Variants in COL6A3 observed in about 807,000 individuals in gnomAD.
The protein encoded by COL6A3 is collagen type VI alpha 3 chain.
COL6A3 carries 137 observed loss-of-function variants against 274.1 expected under a neutral mutation model. The observed-to-expected ratio is 0.50, with a 90% CI of 0.44 to 0.58. The LOEUF (loss-of-function observed/expected upper bound fraction) is 0.58, where lower values mean the gene tolerates loss of function less well. Ranked by LOEUF, COL6A3 falls within the 20% of genes least tolerant of loss-of-function variation. The probability of loss-of-function intolerance (pLI) is 0.00; values close to 1 mark genes in which losing one functional copy is unlikely to be tolerated. For missense variants in COL6A3, 3,950 were observed against 4,124.9 expected (o/e 0.96, Z 1.16); for synonymous variants, 1,650 against 1,650.6 (o/e 1.00, Z 0.01).
At chr2:237,345,127 A>G (rs893260747) in intron 33 of COL6A3, 33 bp from the exon 34 acceptor site, 2 of 1,614,144 alleles carry the variant, frequency 1.2e-6, no homozygotes, top group Non-Finnish European at 1.7e-6. Flanking sequence ...ATGTAAAGAG[A>G]GCAAATCAAA....
Position 237,357,366 on chromosome 2 carries a change from G to T in COL6A3, c.6563C>A (p.Pro2188His). ...CTTCCCAGTTTCTCCAGGTCCTCCAGGTACTCCATCTCTCCCTGGGACACC... is the reference window on the plus strand; with the variant it reads ...CTTCCCAGTTTCTCCAGGTCCTCCATGTACTCCATCTCTCCCTGGGACACC... ...PMGVPGRDGVPGGPGETGKNG... is the reference protein window; with the variant it reads ...PMGVPGRDGVHGGPGETGKNG... Residue 2188 changes from proline (P) to histidine (H), a missense_variant, in exon 23 of 44, where the codon CCT (proline) becomes CAT (histidine). Physicochemically the swap from Pro to His is moderately conservative, Grantham distance 77. Around this residue, in one of 5 missense-constraint regions of COL6A3, gnomAD observed 1,284 missense variants for 1,349.7 expected, o/e 0.95. Transcript: ENST00000295550. 1 of 1,614,038 alleles carries T rather than the reference G, an allele frequency of 6.2e-7. No homozygotes were observed. The highest frequency in any genetic ancestry group is 8.5e-7 in the Non-Finnish European group (1 of 1,179,888).
chr2:237,406,907 CTTT>C (rs1006109385), intron 1 of COL6A3, among the ~76,000 whole-genome samples: 3 of 123,500 alleles, frequency 2.4e-5, no homozygotes, highest in Non-Finnish European at 5.0e-5. Context: ...TCTTTTTTCC[CTTT>C]TTTTTTTTTT....
intron 25 of COL6A3, among the ~76,000 whole-genome samples, chr2:237,352,879 C>A (rs2077236448): frequency 2.0e-5 from 3 of 152,344 alleles, no homozygotes; most frequent in Middle Eastern, 3.4e-3. Flanking sequence ...CAACCTAAAT[C>A]TCCATCAACC....
chr2:237,340,745 T>G lies in COL6A3; in HGVS notation c.8171A>C (p.Glu2724Ala), dbSNP rs1220625035. The G allele has an allele frequency of 1.2e-6, 2 of 1,613,980 alleles. No homozygotes were observed. The highest frequency in any genetic ancestry group is 1.7e-6 in the Non-Finnish European group (2 of 1,180,036). ...ALGSAIEYTI[E>A]NVFESAPNPR... is the part of the protein sequence containing the mutation. ...GTTTGGGGCACTTTCAAAGACATTC[T>G]CTATGGTGTATTCAATGGCACTGCC... The change falls in exon 38 of 44, where the codon GAG becomes GCG. Residue 2724 changes from glutamate (E) to alanine (A), a missense_variant. Glu to Ala is a moderately radical substitution (Grantham distance 107). Transcript: ENST00000295550.
Position 237,364,271 on chromosome 2 carries a change from A to G in COL6A3, c.5917+79T>C. ...CTCCCTTGGGGCGCTGCATTAGCAGAGAGGTTTCTCTCCAGCAGAGCAGTA... is the reference window on the plus strand; with the variant it reads ...CTCCCTTGGGGCGCTGCATTAGCAGGGAGGTTTCTCTCCAGCAGAGCAGTA... On this transcript the variant is annotated intron_variant, in intron 13 of 43. Transcript: ENST00000295550. The surrounding 1 kb of genome is among the most constrained non-coding windows in gnomAD (Gnocchi z 4.6). The G allele has an allele frequency of 8.9e-7, 1 of 1,128,932 alleles. No homozygotes were observed. Among genetic ancestry groups the G allele is most frequent in the Middle Eastern group, 2.1e-4 (1 of 4,774 alleles). 69.9% of individuals were successfully genotyped at this position (1,128,932 alleles called of 1,614,324 possible). A position where few individuals can be genotyped will look rare whatever the true frequency, so the allele number is the denominator to read the frequency against.
Position 237,374,621 on chromosome 2 carries a change from CT to C in COL6A3, c.3469del (p.Arg1157GlyfsTer49). On this transcript the variant is annotated frameshift_variant, in exon 8 of 44. Transcript: ENST00000295550. LOFTEE classifies it high-confidence loss of function. The surrounding 1 kb of genome is among the most constrained non-coding windows in gnomAD (Gnocchi z 4.8). Reference sequence around the variant, plus strand: ...AATGCCAATGGGCACAGCCCCACCCCTCTTCACGACCACGGAGGGGTTCCGC... The same window carrying C: ...AATGCCAATGGGCACAGCCCCACCCCCTTCACGACCACGGAGGGGTTCCGC... ...DVRNPSVVVK[R>X]GGAVPIGIGI... 1 of 1,614,172 alleles carries C rather than the reference CT, an allele frequency of 6.2e-7. No homozygotes were observed. Among genetic ancestry groups the C allele is most frequent in the South Asian group, 1.1e-5 (1 of 91,084 alleles).
chr2:237,394,675 A>T lies in COL6A3; in HGVS notation c.621T>A (p.His207Gln). The T allele has an allele frequency of 6.2e-7, 1 of 1,614,244 alleles. No individual in the cohort carries two copies. Among genetic ancestry groups the T allele is most frequent in the Non-Finnish European group, 8.5e-7 (1 of 1,180,040 alleles). Residue 207 changes from histidine to glutamine, a missense_variant, in exon 3 of 44, where the codon CAT becomes CAA. By Grantham distance (24) the His-to-Gln change is conservative. Around this residue, in one of 5 missense-constraint regions of COL6A3, gnomAD observed 1,934 missense variants for 1,984.3 expected, o/e 0.97. Coordinates refer to ENST00000295550, the MANE Select transcript of COL6A3 (RefSeq NM_004369.4). ...MFNLENFTSL[H>Q]DIVGNLVSCV... Reference sequence around the variant, plus strand: ...AGGACACTAAGTTTCCTACTATGTCATGAAGTGAGGTAAAATTCTCTAGGT... The same window carrying T: ...AGGACACTAAGTTTCCTACTATGTCTTGAAGTGAGGTAAAATTCTCTAGGT...
At position 237,371,630 on chromosome 2, in the gene COL6A3, C is replaced by T. The variant is rs910910898; in HGVS notation, c.4285+102G>A. On this transcript the variant is annotated intron_variant, in intron 9 of 43. Transcript: ENST00000295550. The surrounding 1 kb of genome is among the most constrained non-coding windows in gnomAD (Gnocchi z 4.3). ...AAACCATAAAGGTAAGGGCATACAACCTTTATTTTAATTTAATTTATTATG... is the reference window on the plus strand; with the variant it reads ...AAACCATAAAGGTAAGGGCATACAATCTTTATTTTAATTTAATTTATTATG... The T allele has an allele frequency of 2.0e-6, 3 of 1,510,004 alleles. No homozygotes were observed. Among genetic ancestry groups the T allele is most frequent in the African/African-American group, 1.4e-5 (1 of 71,552 alleles). 93.5% of individuals were successfully genotyped at this position (1,510,004 alleles called of 1,614,324 possible). A position where few individuals can be genotyped will look rare whatever the true frequency, so the allele number is the denominator to read the frequency against.
intron 20 of COL6A3, 57 bp from the exon 21 acceptor site, chr2:237,358,640 C>T: frequency 7.0e-7 from 1 of 1,424,028 alleles, no homozygotes. Flanking sequence ...TTTATCTCAC[C>T]CTAAAAATCA....
chr2:237,363,392 C>T lies in COL6A3; in HGVS notation c.5924G>A (p.Arg1975His), dbSNP rs375287084. The change falls in exon 14 of 44, where the codon CGT (arginine) becomes CAT (histidine). Residue 1975 changes from arginine (R) to histidine (H), a missense_variant. Transcript: ENST00000295550. ...TTCAAGGCCCACCAGGATCAAGGCA[C>T]GGACTCCTGCAAAGAAAGACACATT... ...ASENLRQEGV[R>H]ALILVGLERV... is the part of the protein sequence containing the mutation. The T allele has an allele frequency of 4.8e-5, 77 of 1,614,144 alleles. 1 individual carries two copies. In the South Asian group the frequency reaches 5.9e-4, roughly 12 times the overall value.
At chr2:237,408,007 A>G (rs1310545923) in intron 1 of COL6A3, among the ~76,000 whole-genome samples, 1 of 152,226 alleles carries the variant, frequency 6.6e-6, no homozygotes, top group African/African-American at 2.4e-5. Flanking sequence ...CTAAGGTGCT[A>G]CTGACCTTTC....
At position 237,334,892 on chromosome 2, in the gene COL6A3, G is replaced by T. The variant is rs190667494; in HGVS notation, c.8966-3C>A. On this transcript the variant is annotated splice_region_variant and splice_polypyrimidine_tract_variant and intron_variant, in intron 40 of 43. Coordinates refer to ENST00000295550, the MANE Select transcript of COL6A3 (RefSeq NM_004369.4). The stretch of plus-strand genomic sequence containing the variant: ...CTGGACTTCACGGGACATCTTAACT[G>T]AAAGATAGATCAGAGCGTGAAGATA... 61 of 1,614,060 alleles carry T rather than the reference G, an allele frequency of 3.8e-5. No individual in the cohort carries two copies. The African/African-American group carries it at 7.1e-4, about 19-fold the overall frequency.
At chr2:237,389,945 A>C (rs2078245398) in intron 3 of COL6A3, among the ~76,000 whole-genome samples, 1 of 152,180 alleles carries the variant, frequency 6.6e-6, no homozygotes, top group African/African-American at 2.4e-5. Context: ...TTCCTGAAGG[A>C]TCTTCAAGAG....
intron 23 of COL6A3, 22 bp downstream of exon 23, chr2:237,357,316 C>G (rs754831032): frequency 1.2e-6 from 2 of 1,612,104 alleles, no homozygotes; most frequent in East Asian, 2.2e-5. Flanking sequence ...ACAGAGCCCC[C>G]CAAAGCCCTA....
At chr2:237,363,054 C>T (rs1011444672) in intron 14 of COL6A3, among the ~76,000 whole-genome samples, 199 bp downstream of exon 14, 3 of 152,072 alleles carry the variant, frequency 2.0e-5, no homozygotes, top group African/African-American at 7.2e-5. Context: ...GGATTTCCAG[C>T]GATTTGCTAT....
At chr2:237,326,244 A>AGTGT (rs58879455) in intron 42 of COL6A3, 11,477 of 151,620 alleles carry the variant, frequency 0.076, 485 homozygotes, top group East Asian at 0.12. Context: ...ATCCTTTATG[A>AGTGT]GTGTGTGTGT....
At chr2:237,342,206 A>C (rs750270909) in intron 36 of COL6A3, 45 bp from the exon 37 acceptor site, 3 of 1,466,708 alleles carry the variant, frequency 2.0e-6, no homozygotes, top group Non-Finnish European at 2.9e-6. Flanking sequence ...GTACATGATC[A>C]GTAATATCTG....
intron 8 of COL6A3, among the ~76,000 whole-genome samples, chr2:237,373,717 A>C (rs953418463): frequency 2.6e-5 from 4 of 152,002 alleles, no homozygotes; most frequent in African/African-American, 9.7e-5. Context: ...CCCCCACCCG[A>C]GTGACCCGGG....
chr2:237,408,369 G>A (rs1484667684), intron 1 of COL6A3, among the ~76,000 whole-genome samples: 1 of 152,154 alleles, frequency 6.6e-6, no homozygotes, highest in Admixed American at 6.5e-5. Flanking sequence ...TGTTGCCCTG[G>A]GCTCTGATGA....
Sources: allele counts gnomAD v4.1 joint callset (sites outside exome capture counted in the v4.1 genomes callset), GRCh38; gene constraint gnomAD v4.1.1; regional missense constraint gnomAD v4.1.1; non-coding constraint Gnocchi (gnomAD v3.1); transcripts MANE v1.5; gene names NCBI Gene and HGNC (gene_info 2026-07-23, HGNC 2026-07-21).